The following PIBF1 variants were observed in gnomAD, a reference collection of about 807,000 sequenced individuals.
PIBF1 encodes progesterone immunomodulatory binding factor 1, also known as progesterone-induced-blocking factor 1.
PIBF1 carries 90 observed loss-of-function variants against 112.5 expected under a neutral mutation model. The ratio of observed to expected loss-of-function variants is 0.80; its 90% CI spans 0.67 to 0.95. The LOEUF (loss-of-function observed/expected upper bound fraction) is 0.95. Ranked by LOEUF, PIBF1 falls within the 40% of genes least tolerant of loss-of-function variation. The pLI, the probability that PIBF1 is intolerant of heterozygous loss-of-function variation, is 0.00. For missense variants in PIBF1, 915 were observed against 852.3 expected (o/e 1.07, Z -0.92); for synonymous variants, 301 against 288.6 (o/e 1.04, Z -0.44).
Position 72,880,109 on chromosome 13 carries a change from A to G in PIBF1, c.1323-13675A>G, listed in dbSNP as rs114171073. Among the ~76,000 whole-genome samples, 242 of 152,336 alleles carry G rather than the reference A, an allele frequency of 1.6e-3. 1 individual carries two copies. The highest frequency in any genetic ancestry group is 5.5e-3 in the African/African-American group (227 of 41,580). ...CACAAGCCTGAATAGATGGGTCACC[A>G]TTTATCAATGCTTTCGAGATATCAG... On this transcript the variant is annotated intron_variant, in intron 10 of 17. Transcript: ENST00000326291.
intron 14 of PIBF1, among the ~76,000 whole-genome samples, chr13:72,938,535 A>G (rs570425782): frequency 6.6e-6 from 1 of 152,274 alleles, no homozygotes; most frequent in South Asian, 2.1e-4. Flanking sequence ...ATCAGTGCTC[A>G]GTTCCTTTTT....
rs2042954198 is a variant in PIBF1 at position 72,973,641 on chromosome 13, CATTAGATTTAGAACAACTTCTAA to C, written c.2018_2040del (p.Leu673SerfsTer3). On this transcript the variant is annotated frameshift_variant, in exon 16 of 18. Transcript: ENST00000326291. LOFTEE classifies it high-confidence loss of function. Reference sequence around the variant, plus strand: ...TTACTACAGACGAAGAATCAAATGGCATTAGATTTAGAACAACTTCTAAATCATCGTGAGGTATTTTTCCTATT... The same window carrying C: ...TTACTACAGACGAAGAATCAAATGGCATCATCGTGAGGTATTTTTCCTATT... The C allele has an allele frequency of 2.5e-6, 4 of 1,579,236 alleles. No individual in the cohort carries two copies. The South Asian group carries it at 4.7e-5, about 18-fold the overall frequency.
chr13:72,951,935 G>T (rs540399870), intron 14 of PIBF1, among the ~76,000 whole-genome samples: 4 of 152,034 alleles, frequency 2.6e-5, no homozygotes, highest in African/African-American at 4.8e-5. Context: ...GGCCATGTTG[G>T]CCAGGCCTCA....
chr13:73,012,198 A>T (rs1341909950), intron 17 of PIBF1, among the ~76,000 whole-genome samples: 1 of 152,110 alleles, frequency 6.6e-6, no homozygotes, highest in East Asian at 1.9e-4. Flanking sequence ...CTAAAAGTAC[A>T]AAAACTAGCT....
chr13:72,866,732 A>G (rs1388316663), intron 10 of PIBF1, among the ~76,000 whole-genome samples: 2 of 152,214 alleles, frequency 1.3e-5, no homozygotes, highest in Non-Finnish European at 1.5e-5. Context: ...GCTAGCAATT[A>G]AATTTTGCTC....
At position 72,821,926 on chromosome 13, in the gene PIBF1, A is replaced by G. The variant is rs1409833653; in HGVS notation, c.750A>G (p.Thr250=). ...GTTTGGCCTTAGAATTAGCAGACACAAAACAGTTAATTCAGCAAGGTGACT... is the reference window on the plus strand; with the variant it reads ...GTTTGGCCTTAGAATTAGCAGACACGAAACAGTTAATTCAGCAAGGTGACT... ...CQRLALELAD[T]KQLIQQGDYR... Residue 250 remains threonine, a synonymous_variant, in exon 6 of 18, where the codon ACA becomes ACG. Coordinates refer to ENST00000326291, the MANE Select transcript of PIBF1 (RefSeq NM_006346.4). 1 of 1,612,996 alleles carries G rather than the reference A, an allele frequency of 6.2e-7. No individual in the cohort carries two copies. Among genetic ancestry groups the G allele is most frequent in the Non-Finnish European group, 8.5e-7 (1 of 1,179,368 alleles).
chr13:73,006,194 C>T (rs2044029716), intron 17 of PIBF1, among the ~76,000 whole-genome samples: 2 of 152,190 alleles, frequency 1.3e-5, no homozygotes, highest in Non-Finnish European at 2.9e-5. Context: ...GCTGGGATTA[C>T]AGGCATAAGC....
rs1566282605 is a variant in PIBF1, at chr13:72,798,027, G to C, written c.672+1G>C. 5.7e-6 allele frequency: 9 copies of C among 1,588,376 alleles called. No homozygotes were observed. Among genetic ancestry groups the C allele is most frequent in the Non-Finnish European group, 7.7e-6 (9 of 1,171,410 alleles). Reference sequence around the variant, plus strand: ...AAACCAACTGAAGCAGCTGACAGAGGTTTGTATGGTTTTGATTGCTGGTGG... The same window carrying C: ...AAACCAACTGAAGCAGCTGACAGAGCTTTGTATGGTTTTGATTGCTGGTGG... On this transcript the variant is annotated splice_donor_variant, in intron 5 of 17. Transcript: ENST00000326291. LOFTEE classifies it high-confidence loss of function.
At chr13:72,862,775 A>C (rs1470908345) in intron 10 of PIBF1, among the ~76,000 whole-genome samples, 1 of 152,194 alleles carries the variant, frequency 6.6e-6, no homozygotes, top group South Asian at 2.1e-4. Context: ...TGAAAAACCT[A>C]CTGGAAATTG....
At chr13:72,947,041 C>G (rs1163372269) in intron 14 of PIBF1, among the ~76,000 whole-genome samples, 1 of 152,250 alleles carries the variant, frequency 6.6e-6, no homozygotes, top group Non-Finnish European at 1.5e-5. Context: ...CATTTCCCTT[C>G]CGCACTGCCC....
At chr13:72,901,099 A>G (rs1272002809) in intron 11 of PIBF1, 2 of 448,890 alleles carry the variant, frequency 4.5e-6, no homozygotes, top group Non-Finnish European at 8.9e-6. Flanking sequence ...TCGCACAGCA[A>G]AAGGAACAGT....
chr13:72,799,140 T>G (rs867773897), intron 5 of PIBF1, among the ~76,000 whole-genome samples: 4 of 152,198 alleles, frequency 2.6e-5, no homozygotes, highest in Non-Finnish European at 5.9e-5. Flanking sequence ...ATGTTTCCTG[T>G]TCTGTCAAAT....
At chr13:72,881,775 G>A (rs1030009994) in intron 10 of PIBF1, among the ~76,000 whole-genome samples, 3 of 149,866 alleles carry the variant, frequency 2.0e-5, no homozygotes, top group African/African-American at 7.4e-5. Flanking sequence ...ACTGATGCAA[G>A]AAATTGAGGA....
chr13:72,998,763 T>C (rs1270901260), intron 16 of PIBF1, 59 bp from the exon 17 acceptor site: 1 of 1,129,564 alleles, frequency 8.9e-7, no homozygotes, highest in African/African-American at 1.6e-5. Context: ...TATTAATCAT[T>C]ATTAGTCTGC....
intron 10 of PIBF1, among the ~76,000 whole-genome samples, chr13:72,865,167 G>T (rs1001491425): frequency 6.6e-6 from 1 of 152,126 alleles, no homozygotes; most frequent in African/African-American, 2.4e-5. Flanking sequence ...TTAGAGAAGA[G>T]AATATATGAT....
At chr13:73,003,061 T>C (rs902825499) in intron 17 of PIBF1, among the ~76,000 whole-genome samples, 11 of 147,922 alleles carry the variant, frequency 7.4e-5, no homozygotes, top group Non-Finnish European at 1.0e-4. Flanking sequence ...CTCCAGTGTA[T>C]AGTGTGTGAA....
chr13:72,978,306 C>G (rs560507286), intron 16 of PIBF1, among the ~76,000 whole-genome samples: 2 of 152,334 alleles, frequency 1.3e-5, no homozygotes, highest in Admixed American at 6.5e-5. Context: ...ATCTTTACTA[C>G]AGTCCACTGA....
At chr13:72,827,140 CTTATA>C (rs770830695) in intron 7 of PIBF1, 22 bp downstream of exon 7, 11 of 1,283,212 alleles carry the variant, frequency 8.6e-6, no homozygotes, top group East Asian at 2.4e-5. Context: ...ATTAGAGTCA[CTTATA>C]TTATATAGCA....
At chr13:72,877,875 G>A (rs1423278319) in intron 10 of PIBF1, among the ~76,000 whole-genome samples, 3 of 151,304 alleles carry the variant, frequency 2.0e-5, no homozygotes, top group East Asian at 3.9e-4. Context: ...TCAGCCTCCC[G>A]AGTAGCTGGG....
Sources: gnomAD v4.1 joint callset for allele counts (sites outside exome capture counted in the v4.1 genomes callset) on GRCh38, gnomAD v4.1.1 for gene constraint, MANE v1.5 for transcripts, NCBI Gene and HGNC (gene_info 2026-07-23, HGNC 2026-07-21) for gene names.